Variants in NAAA observed in about 807,000 individuals in gnomAD.
NAAA encodes the protein N-acylethanolamine-hydrolyzing acid amidase.
A neutral mutation model predicts 44.8 loss-of-function variants in NAAA; 39 were observed. That is an observed-to-expected ratio of 0.87 (90% CI 0.67 to 1.14). The LOEUF (loss-of-function observed/expected upper bound fraction) is 1.14. Among genes scored for constraint, NAAA ranks in the 50% most tolerant of loss-of-function variants. NAAA has a pLI of 0.00. For missense variants in NAAA, 460 were observed against 467.8 expected, an observed-to-expected ratio of 0.98 and a Z score of 0.15; for synonymous variants, 178 against 191.3, an observed-to-expected ratio of 0.93 and a Z score of 0.58.
chr4:75,940,208 C>T (rs778054779), intron 1 of NAAA, 43 bp from the exon 2 acceptor site: 1 of 1,586,816 alleles, frequency 6.3e-7, no homozygotes, highest in Admixed American at 1.7e-5. Flanking sequence ...GCTCAGAGGT[C>T]GGCGGCGTGC....
rs377331355 is a variant in NAAA, at chr4:75,939,414, A to ATTTT, written c.371+583_371+586dup. ...CCTGGAAAAGTACGTTTTGAGCAGA[A>ATTTT]TTTTTTTTTTTTTTTTTTTGAGACA... On this transcript the variant is annotated intron_variant, in intron 2 of 10. Transcript: ENST00000286733. 4.9e-4 allele frequency among the ~76,000 whole-genome samples: 67 copies of ATTTT among 137,288 alleles called. 1 individual carries two copies. Among genetic ancestry groups the ATTTT allele is most frequent in the African/African-American group, 1.2e-3 (45 of 37,192 alleles). The allele number at this position is 137,288 out of a possible 152,430, so 90.1% of individuals were successfully genotyped here.
chr4:75,936,106 T>C lies in NAAA; in HGVS notation c.498+3A>G. 1.9e-6 allele frequency: 3 copies of C among 1,614,092 alleles called. No homozygotes were observed. The highest frequency in any genetic ancestry group is 1.6e-4 in the Middle Eastern group (1 of 6,062). On this transcript the variant is annotated splice_donor_region_variant and intron_variant, in intron 3 of 10. Coordinates refer to ENST00000286733, the MANE Select transcript of NAAA (RefSeq NM_014435.4). The stretch of plus-strand genomic sequence containing the variant: ...TTTTTATCTTATATGGTACGGATTA[T>C]ACCTGCCCATTCTTTAAGAATTGCA...
intron 3 of NAAA, among the ~76,000 whole-genome samples, chr4:75,932,884 C>T (rs1727360157): frequency 6.6e-6 from 1 of 152,024 alleles, no homozygotes. Context: ...CCTGTAATCC[C>T]AGCACTTTGG....
At chr4:75,926,106 A>G (rs1726661090) in intron 4 of NAAA, among the ~76,000 whole-genome samples, 1 of 152,208 alleles carries the variant, frequency 6.6e-6, no homozygotes, top group African/African-American at 2.4e-5. Context: ...AAAAAATACA[A>G]ATTTGCAATC....
intron 1 of NAAA, chr4:75,940,396 G>A: frequency 6.8e-6 from 4 of 588,886 alleles, no homozygotes; most frequent in Admixed American, 3.0e-5. Flanking sequence ...GGGAGGGCGA[G>A]TGAGGCTGGT....
intron 7 of NAAA, 44 bp downstream of exon 7, chr4:75,920,694 A>G: frequency 1.9e-6 from 3 of 1,610,278 alleles, no homozygotes; most frequent in Non-Finnish European, 2.5e-6. Flanking sequence ...TATTCTCCTG[A>G]CCATAAGAAA....
At position 75,921,027 on chromosome 4, in the gene NAAA, G is replaced by A. The variant is rs751134787; in HGVS notation, c.763C>T (p.Pro255Ser). 1.9e-6 allele frequency: 3 copies of A among 1,608,690 alleles called. No individual in the cohort carries two copies. The highest frequency in any genetic ancestry group is 1.7e-6 in the Non-Finnish European group (2 of 1,178,888). The change falls in exon 6 of 11, where the codon CCC becomes TCC. Residue 255 changes from proline to serine, a missense_variant. Coordinates refer to ENST00000286733, the MANE Select transcript of NAAA (RefSeq NM_014435.4). Reference sequence around the variant, plus strand: ...CTCGTGATGACCACCCCCTCCCGGGGGGACGTGCCACCAACAATGTAATAA... The same window carrying A: ...CTCGTGATGACCACCCCCTCCCGGGAGGACGTGCCACCAACAATGTAATAA... ...DVYYIVGGTS[P>S]REGVVITRNR...
At chr4:75,915,442 C>T (rs1725545979) in intron 9 of NAAA, among the ~76,000 whole-genome samples, 1 of 152,168 alleles carries the variant, frequency 6.6e-6, no homozygotes, top group South Asian at 2.1e-4. Context: ...CTGGCTCTGT[C>T]CTACCCACAA....
At chr4:75,935,999 T>C (rs952088137) in intron 3 of NAAA, 110 bp downstream of exon 3, 5 of 1,343,834 alleles carry the variant, frequency 3.7e-6, no homozygotes, top group Non-Finnish European at 5.2e-6. Flanking sequence ...GGTGTGATTT[T>C]TTTGTGTCTT....
At chr4:75,937,093 A>G (rs1391057344) in intron 2 of NAAA, among the ~76,000 whole-genome samples, 2 of 152,186 alleles carry the variant, frequency 1.3e-5, no homozygotes, top group African/African-American at 2.4e-5. Context: ...TGGGGAAAAA[A>G]GTGTTACTTT....
In NAAA at chr4:75,941,009, G is replaced by A. The variant is rs964304734; in HGVS notation, c.-60C>T. The A allele has an allele frequency of 2.1e-6, 3 of 1,403,880 alleles. No homozygotes were observed. The highest frequency in any genetic ancestry group is 2.8e-6 in the Non-Finnish European group (3 of 1,084,864). 87.0% of individuals were successfully genotyped at this position (1,403,880 alleles called of 1,614,324 possible). ...GCAGCCGCTGTCGGAGCCCGGGTAA[G>A]CCGTGGAGGAGGAGGAGCTGGGGCT... On this transcript the variant is annotated 5_prime_UTR_variant, in exon 1 of 11. Transcript: ENST00000286733.
intron 3 of NAAA, among the ~76,000 whole-genome samples, chr4:75,931,832 A>G (rs1198661239): frequency 6.6e-6 from 1 of 152,196 alleles, no homozygotes; most frequent in Non-Finnish European, 1.5e-5. Context: ...TTGTAATCCT[A>G]CGTATTTTAT....
rs1472535528 is a variant in NAAA at position 75,915,217 on chromosome 4, G to A, written c.999-232C>T. Among the ~76,000 whole-genome samples the A allele has an allele frequency of 3.3e-5, 5 of 152,114 alleles. No individual in the cohort carries two copies. In the South Asian group the frequency reaches 8.3e-4, roughly 25 times the overall value. On this transcript the variant is annotated intron_variant, in intron 9 of 10. Transcript: ENST00000286733. Reference sequence around the variant, plus strand: ...TCTCAGACTTAATTAGCTGGGTGTGGTGGTGCCTGAAATCCCAGCTACTAG... The same window carrying A: ...TCTCAGACTTAATTAGCTGGGTGTGATGGTGCCTGAAATCCCAGCTACTAG...
intron 9 of NAAA, among the ~76,000 whole-genome samples, chr4:75,918,208 A>G (rs1578038221): frequency 6.6e-6 from 1 of 152,030 alleles, no homozygotes; most frequent in Non-Finnish European, 1.5e-5. Context: ...AATCCCAGCA[A>G]TTTGGGAGGC....
In NAAA at chr4:75,914,992, A is replaced by G; in HGVS notation, c.999-7T>C. ...CGTAGTATAAATTGTGAAGCTGAAA[A>G]TTATGAGGAAATTTTATGTACACAT... On this transcript the variant is annotated splice_region_variant and splice_polypyrimidine_tract_variant and intron_variant, in intron 9 of 10. Coordinates refer to ENST00000286733, the MANE Select transcript of NAAA (RefSeq NM_014435.4). The G allele has an allele frequency of 6.3e-7, 1 of 1,586,656 alleles. No individual in the cohort carries two copies. The highest frequency in any genetic ancestry group is 8.7e-7 in the Non-Finnish European group (1 of 1,155,202).
At chr4:75,925,068 T>C (rs575828406) in intron 5 of NAAA, among the ~76,000 whole-genome samples, 2 of 152,018 alleles carry the variant, frequency 1.3e-5, no homozygotes, top group African/African-American at 4.8e-5. Flanking sequence ...CTCGGCTCAA[T>C]GCAAGCTCCG....
intron 3 of NAAA, among the ~76,000 whole-genome samples, chr4:75,933,745 C>T (rs987186817): frequency 2.0e-5 from 3 of 152,008 alleles, no homozygotes; most frequent in Admixed American, 2.0e-4. Flanking sequence ...TTTTAAGTTA[C>T]AGCCTGGTGC....
intron 3 of NAAA, among the ~76,000 whole-genome samples, chr4:75,933,348 G>A (rs961971678): frequency 8.6e-5 from 13 of 152,046 alleles, no homozygotes; most frequent in African/African-American, 2.9e-4. Flanking sequence ...AGAATGCAGT[G>A]TCCTTAGCTT....
At chr4:75,916,406 T>G (rs1725629777) in intron 9 of NAAA, 1 of 152,214 alleles carries the variant, frequency 6.6e-6, no homozygotes, top group Admixed American at 6.5e-5. Context: ...TTTTCAAGTA[T>G]ACAACAGAGA....
Sources: gnomAD v4.1 joint callset for allele counts (sites outside exome capture counted in the v4.1 genomes callset) on GRCh38, gnomAD v4.1.1 for gene constraint, MANE v1.5 for transcripts, NCBI Gene and HGNC (gene_info 2026-07-23, HGNC 2026-07-21) for gene names.